The following LILRB2 variants were observed in gnomAD, a reference collection of about 807,000 sequenced individuals.
LILRB2 encodes the protein leukocyte immunoglobulin-like receptor subfamily B member 2.
Under a neutral mutation model 72.7 loss-of-function variants are expected in LILRB2, and 47 were observed. The observed-to-expected ratio is 0.65, with a 90% confidence interval of 0.51 to 0.82. The LOEUF is 0.82. LILRB2 is among the 40% of genes least tolerant of loss of function. The pLI, the probability that LILRB2 is intolerant of heterozygous loss-of-function variation, is 0.00. For synonymous variants in LILRB2, 279 were observed against 313.7 expected (o/e 0.89, Z 1.17); for missense variants, 767 against 764.8 (o/e 1.00, Z -0.03).
In LILRB2 at chr19:54,278,412, C is replaced by A; in HGVS notation, c.1106G>T (p.Arg369Ile). The A allele has an allele frequency of 6.5e-7, 1 of 1,539,342 alleles. No individual in the cohort carries two copies. Among genetic ancestry groups the A allele is most frequent in the Non-Finnish European group, 8.9e-7 (1 of 1,118,796 alleles). ...AGAADAPLRL[R>I]SIHEYPKYQA... ...GTACTTAGGATATTCGTGTATTGAT[C>A]TTAGACGGAGTGGGGCATCAGCTGC... is the stretch of plus-strand genomic sequence containing the variant. Residue 369 changes from arginine to isoleucine, a missense_variant, in exon 7 of 14, where the codon AGA becomes ATA. Coordinates refer to ENST00000314446, the MANE Select transcript of LILRB2 (RefSeq NM_001080978.4).
chr19:54,278,480 C>T lies in LILRB2; in HGVS notation c.1038G>A (p.Gln346=), dbSNP rs761668565. The T allele has an allele frequency of 1.2e-6, 2 of 1,614,136 alleles. No individual in the cohort carries two copies. The highest frequency in any genetic ancestry group is 3.3e-5 in the Admixed American group (2 of 60,016). Reference sequence around the variant, plus strand: ...GGAAAGTGTGGAACTGCCGCCATGACTGACACAGCAGGGTCACGTTCTCTC... The same window carrying T: ...GGAAAGTGTGGAACTGCCGCCATGATTGACACAGCAGGGTCACGTTCTCTC... ...ASGENVTLLC[Q]SWRQFHTFLL... The change falls in exon 7 of 14, where the codon CAG becomes CAA. Residue 346 remains glutamine, a synonymous_variant. Coordinates refer to ENST00000314446, the MANE Select transcript of LILRB2 (RefSeq NM_001080978.4).
rs754528432 is a variant in LILRB2 at position 54,279,456 on chromosome 19, C to T, written c.547G>A (p.Val183Met). The stretch of plus-strand genomic sequence containing the variant: ...CTGCGATTCGGGCTCACGGGGCCCA[C>T]GGAGAAGATGGCGCGGGACGACCCA... ...ARGSSRAIFS[V>M]GPVSPNRRWS... The change falls in exon 5 of 14, where the codon GTG becomes ATG. Residue 183 changes from valine (V) to methionine (M), a missense_variant. Physicochemically the swap from Val to Met is conservative, Grantham distance 21. Around this residue, in one of 3 missense-constraint regions of LILRB2, gnomAD observed 599 missense variants for 568.2 expected, o/e 1.05. Coordinates refer to ENST00000314446, the MANE Select transcript of LILRB2 (RefSeq NM_001080978.4). 21 of 1,614,078 alleles carry T rather than the reference C, an allele frequency of 1.3e-5. No homozygotes were observed. The highest frequency in any genetic ancestry group is 2.2e-5 in the East Asian group (1 of 44,888).
At position 54,280,079 on chromosome 19, in the gene LILRB2, G is replaced by A; in HGVS notation, c.71-4C>T. On this transcript the variant is annotated splice_region_variant and splice_polypyrimidine_tract_variant and intron_variant, in intron 3 of 13. Coordinates refer to ENST00000314446, the MANE Select transcript of LILRB2 (RefSeq NM_001080978.4). The stretch of plus-strand genomic sequence containing the variant: ...AGGGTGGGCTTGGGGATGGTCCCTG[G>A]AAGGAAATCAAAGGTCAGATTCGAA... 1.2e-6 allele frequency: 2 copies of A among 1,613,506 alleles called. No individual in the cohort carries two copies. Among genetic ancestry groups the A allele is most frequent in the Non-Finnish European group, 1.7e-6 (2 of 1,179,670 alleles).
Position 54,279,549 on chromosome 19 carries a change from C to T in LILRB2, c.454G>A (p.Gly152Ser), listed in dbSNP as rs140970769. ...TCTCCTTCCTTACACAGAATGAAGC[C>T]GCCAAATGCCACCTGTGACTCACAC... ...LQCESQVAFG[G>S]FILCKEGEDE... Residue 152 changes from glycine to serine, a missense_variant, in exon 5 of 14, where the codon GGC becomes AGC. Transcript: ENST00000314446. 44 of 1,613,990 alleles carry T rather than the reference C, an allele frequency of 2.7e-5. No individual in the cohort carries two copies. Among genetic ancestry groups the T allele is most frequent in the Middle Eastern group, 1.6e-4 (1 of 6,062 alleles).
chr19:54,277,511 G>T lies in LILRB2; in HGVS notation c.1357+39C>A, dbSNP rs61654100. Reference sequence around the variant, plus strand: ...GGACAGAACCCACCCCTGCCTCCCCGGGACCCCGCCCACCTCCCACTCAGA... The same window carrying T: ...GGACAGAACCCACCCCTGCCTCCCCTGGACCCCGCCCACCTCCCACTCAGA... On this transcript the variant is annotated intron_variant, in intron 9 of 13. Transcript: ENST00000314446. 2,018 of 1,498,816 alleles carry T rather than the reference G, an allele frequency of 1.3e-3. 17 individuals carry two copies. The African/African-American group carries it at 0.021, about 16-fold the overall frequency. The allele number at this position is 1,498,816 out of a possible 1,614,324, so 92.8% of individuals were successfully genotyped here. A position where few individuals can be genotyped will look rare whatever the true frequency, so the allele number is the denominator to read the frequency against.
intron 12 of LILRB2, 120 bp downstream of exon 12, chr19:54,276,144 G>T: frequency 1.9e-6 from 3 of 1,564,394 alleles, no homozygotes; most frequent in Non-Finnish European, 2.6e-6. Flanking sequence ...CACAGTGTGG[G>T]GTGAGATGAT....
At chr19:54,275,264 G>T in intron 13 of LILRB2, 1 of 736,430 alleles carries the variant, frequency 1.4e-6, no homozygotes, top group Non-Finnish European at 2.2e-6. Flanking sequence ...TGCCCATTTG[G>T]CTGCAGCCTC....
chr19:54,280,102 G>A (rs369820691), intron 3 of LILRB2, 27 bp from the exon 4 acceptor site: 13 of 1,610,936 alleles, frequency 8.1e-6, no homozygotes, highest in Admixed American at 1.7e-5. Flanking sequence ...GGTCAGATTC[G>A]AAGTCATTTC....
At chr19:54,275,311 G>A in intron 13 of LILRB2, 6 of 586,364 alleles carry the variant, frequency 1.0e-5, no homozygotes, top group Non-Finnish European at 1.8e-5. Flanking sequence ...CTGCCTCGGG[G>A]CCTTTGCACG....
chr19:54,276,791 C>T lies in LILRB2; in HGVS notation c.1480+16G>A. On this transcript the variant is annotated intron_variant, in intron 10 of 13. Transcript: ENST00000314446. ...CACCCTCGGTCGGCCCACAGGGTTT[C>T]CCCTTCCCTACTCACTCGATGTCCA... 3 of 1,611,774 alleles carry T rather than the reference C, an allele frequency of 1.9e-6. No homozygotes were observed. Among genetic ancestry groups the T allele is most frequent in the Non-Finnish European group, 1.7e-6 (2 of 1,178,692 alleles).
rs756088691 is a variant in LILRB2 at position 54,274,704 on chromosome 19, G to T, written c.1773C>A (p.Tyr591Ter). The T allele has an allele frequency of 5.6e-6, 9 of 1,613,772 alleles. No individual in the cohort carries two copies. The highest frequency in any genetic ancestry group is 7.6e-6 in the Non-Finnish European group (9 of 1,180,030). Residue 591 changes from tyrosine (Y) to a stop codon, truncating the protein, a stop_gained, in exon 14 of 14, where the codon TAC (tyrosine) becomes TAA (stop). Transcript: ENST00000314446. LOFTEE classifies it high-confidence loss of function. Reference protein sequence around the residue: ...EREPPAEPSIYATLAIH With the variant: ...EREPPAEPSI Reference sequence around the variant, plus strand: ...CGGGCTAGTGGATGGCCAGGGTGGCGTAGATGCTGGGCTCAGCTGGAGGTT... The same window carrying T: ...CGGGCTAGTGGATGGCCAGGGTGGCTTAGATGCTGGGCTCAGCTGGAGGTT...
chr19:54,279,099 T>C lies in LILRB2; in HGVS notation c.668A>G (p.Lys223Arg). 1.2e-6 allele frequency: 2 copies of C among 1,612,670 alleles called. No individual in the cohort carries two copies. The change falls in exon 6 of 14, where the codon AAG becomes AGG. Residue 223 changes from lysine (K) to arginine (R), a missense_variant. Physicochemically the swap from Lys to Arg is conservative, Grantham distance 26. This residue lies in a region of LILRB2 where 599 missense variants were observed against 568.2 expected (regional missense o/e 1.05). Coordinates refer to ENST00000314446, the MANE Select transcript of LILRB2 (RefSeq NM_001080978.4). Reference sequence around the variant, plus strand: ...CGGCTGCACTGAGAGTGATGGCTTCTTAGAAACACCTGGGAAAAGGTGCTC... The same window carrying C: ...CGGCTGCACTGAGAGTGATGGCTTCCTAGAAACACCTGGGAAAAGGTGCTC... ...LLELLVPGVS[K>R]KPSLSVQPGP...
In LILRB2 at chr19:54,276,095, A is replaced by G. The variant is rs1601097528; in HGVS notation, c.1595-92T>C. 1.4e-5 allele frequency: 22 copies of G among 1,566,848 alleles called. No individual in the cohort carries two copies. In the East Asian group the frequency reaches 4.9e-4, roughly 35 times the overall value. ...CCCTGCCCTGCTCCCAGATGGGGCTACTGAGATGCAGGGAGGGGCTGCAAT... is the reference window on the plus strand; with the variant it reads ...CCCTGCCCTGCTCCCAGATGGGGCTGCTGAGATGCAGGGAGGGGCTGCAAT... On this transcript the variant is annotated intron_variant, in intron 12 of 13. Coordinates refer to ENST00000314446, the MANE Select transcript of LILRB2 (RefSeq NM_001080978.4).
At chr19:54,279,689 T>C (rs1332241601) in intron 4 of LILRB2, 42 bp from the exon 5 acceptor site, 1 of 1,595,628 alleles carries the variant, frequency 6.3e-7, no homozygotes, top group Non-Finnish European at 8.6e-7. Flanking sequence ...GGCTCCCACC[T>C]CCCACATCAT....
chr19:54,277,693 T>C, intron 8 of LILRB2, 96 bp from the exon 9 acceptor site: 3 of 1,427,976 alleles, frequency 2.1e-6, no homozygotes, highest in African/African-American at 1.4e-5. Flanking sequence ...AACATTTCTC[T>C]CTGCCTTGAC....
chr19:54,280,547 G>A lies in LILRB2; in HGVS notation c.-48-3C>T. On this transcript the variant is annotated splice_region_variant and splice_polypyrimidine_tract_variant and intron_variant, in intron 1 of 13. Transcript: ENST00000314446. ...TGCGGATGGATGAGCCCTCGGTGCT[G>A]GCGGGACAGAGACACACAGAGAGAA... 6.2e-7 allele frequency: 1 copy of A among 1,613,852 alleles called. No individual in the cohort carries two copies. The highest frequency in any genetic ancestry group is 1.1e-5 in the South Asian group (1 of 91,072).
In LILRB2 at chr19:54,278,201, G is replaced by A. The variant is rs895484162; in HGVS notation, c.1258+59C>T. The A allele has an allele frequency of 1.3e-5, 20 of 1,592,632 alleles. 1 individual carries two copies. The East Asian group carries it at 3.4e-4, about 27-fold the overall frequency. ...CTCCATCCCAGCCCAGAGCTCTCCT[G>A]GGGGGCAGGGCCTGAGCTGAGCCTT... On this transcript the variant is annotated intron_variant, in intron 7 of 13. Transcript: ENST00000314446.
Position 54,278,933 on chromosome 19 carries a change from C to T in LILRB2, c.834G>A (p.Gln278=). The T allele has an allele frequency of 6.2e-7, 1 of 1,614,164 alleles. No homozygotes were observed. Among genetic ancestry groups the T allele is most frequent in the Non-Finnish European group, 8.5e-7 (1 of 1,180,018 alleles). ...PGRQPQAGLS[Q]ANFTLGPVSR... ...TCACAGGGCCCAGGGTGAAGTTGGC[C>T]TGGGAGAGCCCAGCCTGGGGCTGCC... Residue 278 remains glutamine (Q), a synonymous_variant, in exon 6 of 14, where the codon CAG becomes CAA. Transcript: ENST00000314446.
At chr19:54,276,333 G>C in intron 11 of LILRB2, 32 bp from the exon 12 acceptor site, 1 of 1,613,966 alleles carries the variant, frequency 6.2e-7, no homozygotes, top group South Asian at 1.1e-5. Flanking sequence ...TAGGGGCAGT[G>C]TATGGGCCAC....
Sources: gnomAD v4.1 joint callset for allele counts on GRCh38, gnomAD v4.1.1 for gene constraint, gnomAD v4.1.1 regional missense constraint, MANE v1.5 for transcripts, NCBI Gene and HGNC (gene_info 2026-07-23, HGNC 2026-07-21) for gene names.